COL20A1: variants seen among roughly 807,000 people sequenced by gnomAD.
The protein encoded by COL20A1 is collagen type XX alpha 1 chain, also known as collagen alpha-1(XX) chain.
COL20A1 carries 164 observed loss-of-function variants against 152.9 expected under a neutral mutation model. The observed-to-expected ratio is 1.07, with a 90% CI of 0.94 to 1.22. The LOEUF (loss-of-function observed/expected upper bound fraction) is 1.22, where lower values mean the gene tolerates loss of function less well. Among genes scored for constraint, COL20A1 ranks in the 50% most tolerant of loss-of-function variants. The pLI, the probability that COL20A1 is intolerant of heterozygous loss-of-function variation, is 0.00. For missense variants in COL20A1, 1,873 were observed against 1,744.8 expected, an observed-to-expected ratio of 1.07 and a Z score of -1.31; for synonymous variants, 864 against 756.0, an observed-to-expected ratio of 1.14 and a Z score of -2.34.
chr20:63,301,516 A>G (rs2067863166), intron 3 of COL20A1, among the ~76,000 whole-genome samples: 1 of 152,190 alleles, frequency 6.6e-6, no homozygotes, highest in Non-Finnish European at 1.5e-5. Context: ...AAAGTATTTC[A>G]AATCTCCATT....
In COL20A1 at chr20:63,311,312, C is replaced by A; in HGVS notation, c.1394-82C>A. The stretch of plus-strand genomic sequence containing the variant: ...CTGCCAGGCGGTGGCCGTGCCCACC[C>A]ACTCTGGTGTGAGGGTGCCCCGTGC... On this transcript the variant is annotated intron_variant, in intron 11 of 35. Coordinates refer to ENST00000358894, the MANE Select transcript of COL20A1 (RefSeq NM_020882.4). The surrounding 1 kb of genome is among the most constrained non-coding windows in gnomAD (Gnocchi z 4.4). 1 of 1,407,620 alleles carries A rather than the reference C, an allele frequency of 7.1e-7. No individual in the cohort carries two copies. Among genetic ancestry groups the A allele is most frequent in the East Asian group, 2.5e-5 (1 of 39,790 alleles). 87.2% of individuals were successfully genotyped at this position (1,407,620 alleles called of 1,614,324 possible). A position where few individuals can be genotyped will look rare whatever the true frequency, so the allele number is the denominator to read the frequency against.
chr20:63,318,439 G>A (rs894187248), intron 21 of COL20A1, among the ~76,000 whole-genome samples: 6 of 152,168 alleles, frequency 3.9e-5, no homozygotes, highest in Admixed American at 2.0e-4. Context: ...TCAGAGGCCC[G>A]AGACCCTGCT....
chr20:63,294,435 G>A (rs2067760363), intron 1 of COL20A1, among the ~76,000 whole-genome samples: 2 of 151,746 alleles, frequency 1.3e-5, no homozygotes, highest in Admixed American at 6.6e-5. Flanking sequence ...CCTTTGAGTG[G>A]GCCGGGCCTG....
At position 63,311,798 on chromosome 20, in the gene COL20A1, G is replaced by A. The variant is rs1473245223; in HGVS notation, c.1663+50G>A. On this transcript the variant is annotated intron_variant, in intron 13 of 35. Coordinates refer to ENST00000358894, the MANE Select transcript of COL20A1 (RefSeq NM_020882.4). This position sits in a 1 kb window ranked among gnomAD's most constrained non-coding sequence, Gnocchi z 4.4. ...TGCCCACAGGCGGGTGCCCCATCTTGTTCCTCAGCCTTCCATGGCATGGGA... is the reference window on the plus strand; with the variant it reads ...TGCCCACAGGCGGGTGCCCCATCTTATTCCTCAGCCTTCCATGGCATGGGA... 6.5e-7 allele frequency: 1 copy of A among 1,548,806 alleles called. No individual in the cohort carries two copies. The highest frequency in any genetic ancestry group is 8.7e-7 in the Non-Finnish European group (1 of 1,153,410).
rs1568759800 is a variant in COL20A1 at position 63,295,135 on chromosome 20, G to GGCCTCT, written c.36_41dup (p.Cys12_Leu13dup). On this transcript the variant is annotated inframe_insertion, in exon 2 of 36. Transcript: ENST00000358894. ...GAGCTCCGGAGACCCTGCACACCTC[G>GGCCTCT]GCCTCTGCCTCTGGCTGTGGCTGGG... The GGCCTCT allele has an allele frequency of 3.9e-6, 6 of 1,553,766 alleles. No individual in the cohort carries two copies. The highest frequency in any genetic ancestry group is 5.2e-6 in the Non-Finnish European group (6 of 1,148,876).
intron 32 of COL20A1, 24 bp from the exon 33 acceptor site, chr20:63,328,055 A>G (rs764488990): frequency 6.2e-7 from 1 of 1,613,422 alleles, no homozygotes; most frequent in East Asian, 2.2e-5. Context: ...ACGGGTCCCA[A>G]AGCTGCACCA....
chr20:63,334,508 C>T lies in COL20A1; in HGVS notation c.*3792C>T, dbSNP rs1036928817. 6.6e-6 allele frequency: 1 copy of T among 152,194 alleles called. No individual in the cohort carries two copies. The allele number at this position is 152,194 out of a possible 1,614,324, so 9.4% of individuals were successfully genotyped here. A position where few individuals can be genotyped will look rare whatever the true frequency, so the allele number is the denominator to read the frequency against. On this transcript the variant is annotated 3_prime_UTR_variant, in exon 36 of 36. Coordinates refer to ENST00000358894, the MANE Select transcript of COL20A1 (RefSeq NM_020882.4). The stretch of plus-strand genomic sequence containing the variant: ...CGGCTCAATGCAACCTCTGTGCCAC[C>T]CTGGGCTCAAGTGGTCCTCCTGCTC...
At position 63,305,358 on chromosome 20, in the gene COL20A1, G is replaced by T. The variant is rs559025833; in HGVS notation, c.194-59G>T. ...AGCCAAGAGGGTTTCACTCCCCGCCGTGACAGATGCACACACGTGTGCACC... is the reference window on the plus strand; with the variant it reads ...AGCCAAGAGGGTTTCACTCCCCGCCTTGACAGATGCACACACGTGTGCACC... On this transcript the variant is annotated intron_variant, in intron 3 of 35. Coordinates refer to ENST00000358894, the MANE Select transcript of COL20A1 (RefSeq NM_020882.4). The surrounding 1 kb of genome is among the most constrained non-coding windows in gnomAD (Gnocchi z 4.9). The T allele has an allele frequency of 1.6e-5, 21 of 1,348,064 alleles. No homozygotes were observed. In the South Asian group the frequency reaches 3.8e-4, roughly 24 times the overall value. The allele number at this position is 1,348,064 out of a possible 1,614,324, so 83.5% of individuals were successfully genotyped here.
rs781348275 is a variant in COL20A1, at chr20:63,311,473, C to T, written c.1473C>T (p.Ala491=). 89 of 1,575,622 alleles carry T rather than the reference C, an allele frequency of 5.6e-5. No individual in the cohort carries two copies. Among genetic ancestry groups the T allele is most frequent in the Non-Finnish European group, 7.2e-5 (84 of 1,161,260 alleles). Reference sequence around the variant, plus strand: ...TCCACCTCACCTGGCAGCCCTCGGCCGGGGCCACCCACTACCTGGTGCGAT... The same window carrying T: ...TCCACCTCACCTGGCAGCCCTCGGCTGGGGCCACCCACTACCTGGTGCGAT... ...RTVHLTWQPS[A]GATHYLVRCS... Residue 491 remains alanine (A), a synonymous_variant, in exon 12 of 36, where the codon GCC becomes GCT. Transcript: ENST00000358894. The surrounding 1 kb of genome is among the most constrained non-coding windows in gnomAD (Gnocchi z 4.4).
At chr20:63,324,057 A>G (rs1281270717) in intron 27 of COL20A1, among the ~76,000 whole-genome samples, 1 of 152,218 alleles carries the variant, frequency 6.6e-6, no homozygotes, top group East Asian at 1.9e-4. Context: ...CTCTTCCTAC[A>G]GACCCACTCG....
At chr20:63,314,277 C>A in intron 19 of COL20A1, 76 bp downstream of exon 19, 1 of 1,326,050 alleles carries the variant, frequency 7.5e-7, no homozygotes. Flanking sequence ...CCTGCCAGCT[C>A]CAGACTCATC....
At chr20:63,303,893 C>A (rs1047273188) in intron 3 of COL20A1, among the ~76,000 whole-genome samples, 1 of 145,962 alleles carries the variant, frequency 6.9e-6, no homozygotes, top group Non-Finnish European at 1.5e-5. Context: ...CCCTCCTCTT[C>A]TCCCTGCAGG....
chr20:63,329,520 C>T (rs2068303626), intron 34 of COL20A1, 65 bp from the exon 35 acceptor site: 5 of 1,286,694 alleles, frequency 3.9e-6, no homozygotes, highest in Non-Finnish European at 5.5e-6. Flanking sequence ...CCCTCTGTCC[C>T]CGTCAGAACA....
chr20:63,293,576 C>G (rs572919881), intron 1 of COL20A1, among the ~76,000 whole-genome samples: 2 of 152,238 alleles, frequency 1.3e-5, no homozygotes, highest in East Asian at 3.9e-4. Flanking sequence ...GCTTGCACTT[C>G]AGGCTGGATG....
At position 63,334,289 on chromosome 20, in the gene COL20A1, GAAAA is replaced by G. The variant is rs2068367632; in HGVS notation, c.*3576_*3579del. 1 of 152,166 alleles carries G rather than the reference GAAAA, an allele frequency of 6.6e-6. No individual in the cohort carries two copies. The highest frequency in any genetic ancestry group is 1.5e-5 in the Non-Finnish European group (1 of 68,016). 9.4% of individuals were successfully genotyped at this position (152,166 alleles called of 1,614,324 possible). A position where few individuals can be genotyped will look rare whatever the true frequency, so the allele number is the denominator to read the frequency against. On this transcript the variant is annotated 3_prime_UTR_variant, in exon 36 of 36. Transcript: ENST00000358894. ...TCCACAGTAATTCATGGGTTAAAGA[GAAAA>G]AAGGAAACGTGAAGATACTTGTAAC...
In COL20A1 at chr20:63,325,459, G is replaced by A. The variant is rs201493226; in HGVS notation, c.3313G>A (p.Gly1105Arg). Residue 1105 changes from glycine to arginine, a missense_variant, in exon 28 of 36, where the codon GGA (glycine) becomes AGA (arginine). Transcript: ENST00000358894. ...CCTCCAGGGTCCACCAGGGGTCAAAGGAGAGAAGGGAGACCATGGGCTTCC... is the reference window on the plus strand; with the variant it reads ...CCTCCAGGGTCCACCAGGGGTCAAAAGAGAGAAGGGAGACCATGGGCTTCC... ...PGPRGPPGVK[G>R]EKGDHGLPGL... The A allele has an allele frequency of 4.3e-4, 695 of 1,612,914 alleles. No individual in the cohort carries two copies. The highest frequency in any genetic ancestry group is 2.3e-3 in the Admixed American group (139 of 59,976).
intron 1 of COL20A1, among the ~76,000 whole-genome samples, chr20:63,294,631 C>G (rs2123364362): frequency 6.6e-6 from 1 of 152,296 alleles, no homozygotes; most frequent in Admixed American, 6.5e-5. Context: ...CTCTGATGAC[C>G]CTTCCGCCTC....
chr20:63,312,227 A>G (rs1241553611), intron 14 of COL20A1, among the ~76,000 whole-genome samples, 172 bp downstream of exon 14: 4 of 152,024 alleles, frequency 2.6e-5, no homozygotes, highest in African/African-American at 9.7e-5. Flanking sequence ...TCTGGGGGGA[A>G]CCAGGCTGGG....
chr20:63,319,307 T>G lies in COL20A1; in HGVS notation c.2806+107T>G. 7.8e-7 allele frequency: 1 copy of G among 1,277,732 alleles called. No individual in the cohort carries two copies. Among genetic ancestry groups the G allele is most frequent in the Non-Finnish European group, 1.1e-6 (1 of 929,618 alleles). The allele number at this position is 1,277,732 out of a possible 1,614,324, so 79.1% of individuals were successfully genotyped here. ...GAAGTCCAGCCTCCAGGCCAGGCCC[T>G]CAGCACCCTCTGGGTGGGAGGCAGG... is the stretch of plus-strand genomic sequence containing the variant. On this transcript the variant is annotated intron_variant, in intron 22 of 35. Coordinates refer to ENST00000358894, the MANE Select transcript of COL20A1 (RefSeq NM_020882.4). This position sits in a 1 kb window ranked among gnomAD's most constrained non-coding sequence, Gnocchi z 4.4.
Sources: allele counts gnomAD v4.1 joint callset (sites outside exome capture counted in the v4.1 genomes callset), GRCh38; gene constraint gnomAD v4.1.1; non-coding constraint Gnocchi (gnomAD v3.1); transcripts MANE v1.5; gene names NCBI Gene and HGNC (gene_info 2026-07-23, HGNC 2026-07-21).